Variants in TEKT5 observed in about 807,000 individuals in gnomAD.
The protein encoded by TEKT5 is tektin-5.
TEKT5 carries 52 observed loss-of-function variants against 48.7 expected under a neutral mutation model. The observed-to-expected ratio is 1.07, with a 90% CI of 0.86 to 1.35. The LOEUF (loss-of-function observed/expected upper bound fraction) is 1.35. Among genes scored for constraint, TEKT5 ranks in the 40% most tolerant of loss-of-function variants. The probability of loss-of-function intolerance (pLI) is 0.00; values close to 1 mark genes in which losing one functional copy is unlikely to be tolerated. For missense variants in TEKT5, 831 were observed against 641.6 expected (o/e 1.30, Z -3.19); for synonymous variants, 318 against 267.6 (o/e 1.19, Z -1.84).
At chr16:10,655,597 C>T (rs1437502977) in intron 5 of TEKT5, among the ~76,000 whole-genome samples, 1 of 152,202 alleles carries the variant, frequency 6.6e-6, no homozygotes, top group Non-Finnish European at 1.5e-5. Flanking sequence ...ATTTTCCAGG[C>T]TCCCTTGTAG....
intron 5 of TEKT5, among the ~76,000 whole-genome samples, chr16:10,657,603 T>TC (rs1198501792): frequency 6.8e-6 from 1 of 148,044 alleles, no homozygotes; most frequent in Non-Finnish European, 1.5e-5. Context: ...TTTTTTTTTT[T>TC]CCCTGAGATG....
At position 10,689,923 on chromosome 16, in the gene TEKT5, G is replaced by A. The variant is rs376360589; in HGVS notation, c.648+19C>T. The A allele has an allele frequency of 8.1e-6, 13 of 1,613,386 alleles. No homozygotes were observed. The Admixed American group carries it at 8.3e-5, about 10-fold the overall frequency. On this transcript the variant is annotated intron_variant, in intron 2 of 6. Coordinates refer to ENST00000283025, the MANE Select transcript of TEKT5 (RefSeq NM_144674.2). ...CCCGCCTCCTTCAGGGGGCTGGGCA[G>A]AACCAGGAGATGCCTTACCCGGATA...
rs1898942626 is a variant in TEKT5 at position 10,690,134 on chromosome 16, C to A, written c.565-109G>T. 5 of 1,193,942 alleles carry A rather than the reference C, an allele frequency of 4.2e-6. No homozygotes were observed. The East Asian group carries it at 9.6e-5, about 23-fold the overall frequency. The allele number at this position is 1,193,942 out of a possible 1,614,324, so 74.0% of individuals were successfully genotyped here. A position where few individuals can be genotyped will look rare whatever the true frequency, so the allele number is the denominator to read the frequency against. On this transcript the variant is annotated intron_variant, in intron 1 of 6. Transcript: ENST00000283025. ...ACAATCTGTTCCTTTCTCCCGGAAACCTGGGTGCTTCATGTGACCTCACTA... is the reference window on the plus strand; with the variant it reads ...ACAATCTGTTCCTTTCTCCCGGAAAACTGGGTGCTTCATGTGACCTCACTA...
At chr16:10,680,116 C>A (rs757810744) in intron 4 of TEKT5, among the ~76,000 whole-genome samples, 19 of 152,228 alleles carry the variant, frequency 1.2e-4, no homozygotes, top group Non-Finnish European at 2.2e-4. Flanking sequence ...GAGAGACCCT[C>A]TGGACTCCCT....
At position 10,694,310 on chromosome 16, in the gene TEKT5, C is replaced by G. The variant is rs776697038; in HGVS notation, c.564G>C (p.Gln188His). The change falls in exon 1 of 7, where the codon CAG (glutamine) becomes CAC (histidine). Residue 188 changes from glutamine (Q) to histidine (H), a missense_variant and splice_region_variant. Transcript: ENST00000283025. ...GCCCTGTCCCCACCCCTGTACTCAC[C>G]TGCAATGGGCAGTTCACCTCATTGG... is the stretch of plus-strand genomic sequence containing the variant. ...CAANEVNCPL[Q>H]VALECLYHRE... 9 of 1,587,728 alleles carry G rather than the reference C, an allele frequency of 5.7e-6. No individual in the cohort carries two copies. The highest frequency in any genetic ancestry group is 6.9e-6 in the Non-Finnish European group (8 of 1,166,416).
chr16:10,663,305 C>T (rs1186105285), intron 5 of TEKT5, among the ~76,000 whole-genome samples: 1 of 152,132 alleles, frequency 6.6e-6, no homozygotes, highest in African/African-American at 2.4e-5. Flanking sequence ...GAGAAAGCCT[C>T]TAAGGCCAAG....
intron 5 of TEKT5, among the ~76,000 whole-genome samples, chr16:10,650,101 TTGCTC>T (rs548214844): frequency 1.3e-5 from 2 of 149,744 alleles, no homozygotes; most frequent in Admixed American, 1.3e-4. Context: ...AGACGAAGTC[TTGCTC>T]TATTGCCCAC....
intron 6 of TEKT5, among the ~76,000 whole-genome samples, chr16:10,633,205 AC>A (rs1897864899): frequency 6.6e-6 from 1 of 152,104 alleles, no homozygotes; most frequent in African/African-American, 2.4e-5. Context: ...TACTAACAAT[AC>A]AAAAATTAGC....
At chr16:10,652,925 C>G (rs970201330) in intron 5 of TEKT5, among the ~76,000 whole-genome samples, 1 of 150,634 alleles carries the variant, frequency 6.6e-6, no homozygotes, top group East Asian at 2.0e-4. Flanking sequence ...CACACACACA[C>G]ACCCTCCCTC....
rs752056727 is a variant in TEKT5 at position 10,694,831 on chromosome 16, G to A, written c.43C>T (p.Pro15Ser). ...GTTQTASYCGPKKCCGLTSLP... is the reference protein window; with the variant it reads ...GTTQTASYCGSKKCCGLTSLP... ...GAGGTCAAGCCACAGCATTTCTTGG[G>A]ACCACAGTAACTGGCGGTCTGAGTA... The change falls in exon 1 of 7, where the codon CCC becomes TCC. Residue 15 changes from proline to serine, a missense_variant. Pro to Ser is a moderately conservative substitution (Grantham distance 74). Transcript: ENST00000283025. 2 of 1,600,640 alleles carry A rather than the reference G, an allele frequency of 1.2e-6. No individual in the cohort carries two copies. Among genetic ancestry groups the A allele is most frequent in the South Asian group, 2.3e-5 (2 of 88,876 alleles).
At chr16:10,648,954 T>A (rs1337304010) in intron 5 of TEKT5, among the ~76,000 whole-genome samples, 1 of 152,238 alleles carries the variant, frequency 6.6e-6, no homozygotes, top group African/African-American at 2.4e-5. Context: ...TTTTCATTTT[T>A]AATTTTATTT....
chr16:10,687,016 T>C (rs1163158239), intron 3 of TEKT5, among the ~76,000 whole-genome samples: 2 of 152,186 alleles, frequency 1.3e-5, no homozygotes, highest in Non-Finnish European at 2.9e-5. Flanking sequence ...ATCACACATG[T>C]ATGTGGAATC....
At chr16:10,645,921 A>C (rs2262806) in intron 5 of TEKT5, among the ~76,000 whole-genome samples, 141,734 of 152,066 alleles carry the variant, frequency 0.93, 66,553 homozygotes, top group Middle Eastern at 0.97. Context: ...CGCTTGAGCC[A>C]AGGAGTTTGA....
chr16:10,660,688 T>A (rs1898352612), intron 5 of TEKT5, among the ~76,000 whole-genome samples: 1 of 150,792 alleles, frequency 6.6e-6, no homozygotes, highest in Non-Finnish European at 1.5e-5. Flanking sequence ...TGTGTGTGTG[T>A]GTGTGTGTGT....
chr16:10,631,272 AAG>A (rs557009066), intron 6 of TEKT5, among the ~76,000 whole-genome samples: 3,902 of 128,602 alleles, frequency 0.03, 82 homozygotes, highest in Non-Finnish European at 0.045. Context: ...AAAAAAAAAA[AAG>A]AGAGAGAGAG....
chr16:10,674,238 T>C, intron 5 of TEKT5, among the ~76,000 whole-genome samples: 2 of 146,444 alleles, frequency 1.4e-5, no homozygotes, highest in Non-Finnish European at 1.5e-5. Context: ...GGTGGCAACG[T>C]CCCCTGCTTC....
chr16:10,673,775 C>T (rs1898592166), intron 5 of TEKT5, among the ~76,000 whole-genome samples: 1 of 151,390 alleles, frequency 6.6e-6, no homozygotes, highest in Non-Finnish European at 1.5e-5. Context: ...CTCAGCCTCC[C>T]GAGTAGCTGG....
intron 6 of TEKT5, among the ~76,000 whole-genome samples, chr16:10,630,895 A>C (rs1897829077): frequency 6.6e-6 from 1 of 151,612 alleles, no homozygotes; most frequent in Non-Finnish European, 1.5e-5. Context: ...GTCATGGTGC[A>C]CACCTGTAAT....
chr16:10,669,584 T>C (rs1898520251), intron 5 of TEKT5, among the ~76,000 whole-genome samples: 1 of 152,220 alleles, frequency 6.6e-6, no homozygotes, highest in African/African-American at 2.4e-5. Flanking sequence ...TTCAGTGATA[T>C]TAATGCTATA....
Sources: gnomAD v4.1 joint callset for allele counts (sites outside exome capture counted in the v4.1 genomes callset) on GRCh38, gnomAD v4.1.1 for gene constraint, MANE v1.5 for transcripts, NCBI Gene and HGNC (gene_info 2026-07-23, HGNC 2026-07-21) for gene names.